The following RYR2 variants were observed in gnomAD, a reference collection of about 807,000 sequenced individuals.
RYR2 encodes the protein ryanodine receptor 2.
In RYR2, 227 loss-of-function variants were observed where a neutral mutation model predicts 601.1. That is an observed-to-expected ratio of 0.38 (90% CI 0.34 to 0.42). RYR2 has a LOEUF of 0.42. Ranked by LOEUF, RYR2 falls within the 10% of genes least tolerant of loss-of-function variation. The probability of loss-of-function intolerance (pLI) is 1.00; values close to 1 mark genes in which losing one functional copy is unlikely to be tolerated. For missense variants in RYR2, 4,646 were observed against 6,156.5 expected, an observed-to-expected ratio of 0.75 and a Z score of 8.21; for synonymous variants, 2,223 against 2,175.1, an observed-to-expected ratio of 1.02 and a Z score of -0.61.
chr1:237,128,669 A>G (rs753974154), intron 1 of RYR2, among the ~76,000 whole-genome samples: 1 of 152,114 alleles, frequency 6.6e-6, no homozygotes, highest in Non-Finnish European at 1.5e-5. Flanking sequence ...TAGTAAGGCC[A>G]CCGTGGCTGC....
chr1:237,816,460 C>A (rs564917793), intron 100 of RYR2, among the ~76,000 whole-genome samples: 1 of 152,050 alleles, frequency 6.6e-6, no homozygotes, highest in Non-Finnish European at 1.5e-5. Context: ...CCGAGGCGGG[C>A]GGATCACCTG....
At chr1:237,798,532 T>C (rs1262351638) in intron 97 of RYR2, among the ~76,000 whole-genome samples, 5 of 151,176 alleles carry the variant, frequency 3.3e-5, no homozygotes, top group Non-Finnish European at 7.4e-5. Context: ...AAAACGTTAA[T>C]TTTCTTATGT....
At chr1:237,193,055 G>GC (rs746117209) in intron 1 of RYR2, among the ~76,000 whole-genome samples, 17 of 150,790 alleles carry the variant, frequency 1.1e-4, no homozygotes, top group Non-Finnish European at 1.9e-4. Flanking sequence ...AGGCGTGGTG[G>GC]CTCATGCCTG....
At chr1:237,671,039 A>T (rs1684880152) in intron 58 of RYR2, among the ~76,000 whole-genome samples, 1 of 152,238 alleles carries the variant, frequency 6.6e-6, no homozygotes, top group Non-Finnish European at 1.5e-5. Flanking sequence ...ACTTCTGCAT[A>T]CAACTTGTAC....
At chr1:237,531,398 A>C (rs1001645945) in intron 25 of RYR2, among the ~76,000 whole-genome samples, 3 of 152,170 alleles carry the variant, frequency 2.0e-5, no homozygotes, top group African/African-American at 7.2e-5. Flanking sequence ...ATATTCAATA[A>C]ATGATAGCTG....
chr1:237,060,515 A>C (rs1662704220), intron 1 of RYR2, among the ~76,000 whole-genome samples: 2 of 152,238 alleles, frequency 1.3e-5, no homozygotes, highest in African/African-American at 4.8e-5. Flanking sequence ...TACCACTCAC[A>C]TTAATGCATT....
chr1:237,573,470 A>C (rs1420679031), intron 29 of RYR2, among the ~76,000 whole-genome samples: 1 of 150,544 alleles, frequency 6.6e-6, no homozygotes, highest in African/African-American at 2.4e-5. Flanking sequence ...AAAGACTGAT[A>C]TGGCCATCCA....
At chr1:237,417,177 G>A in intron 11 of RYR2, 54 bp downstream of exon 11, 1 of 1,379,694 alleles carries the variant, frequency 7.2e-7, no homozygotes, top group Non-Finnish European at 1.0e-6. Flanking sequence ...AAATAGCTCA[G>A]CGTTGTGCTT....
intron 1 of RYR2, among the ~76,000 whole-genome samples, chr1:237,160,014 C>G (rs1377128066): frequency 6.6e-6 from 1 of 152,132 alleles, no homozygotes; most frequent in Non-Finnish European, 1.5e-5. Context: ...AGGGACCATG[C>G]TTTACTAATG....
intron 84 of RYR2, among the ~76,000 whole-genome samples, chr1:237,766,805 G>T (rs145047339): frequency 6.6e-6 from 1 of 152,100 alleles, no homozygotes; most frequent in East Asian, 1.9e-4. Flanking sequence ...TCTGTTATCC[G>T]TGGGACAAAC....
At chr1:237,772,314 TA>T (rs1348614903) in intron 86 of RYR2, among the ~76,000 whole-genome samples, 1 of 152,210 alleles carries the variant, frequency 6.6e-6, no homozygotes, top group Non-Finnish European at 1.5e-5. Flanking sequence ...TTTATTTCTG[TA>T]AGTAGAGATT....
intron 1 of RYR2, among the ~76,000 whole-genome samples, chr1:237,073,866 T>A (rs112954094): frequency 0.15 from 18,422 of 122,994 alleles, 1,427 homozygotes; most frequent in African/African-American, 0.19. Flanking sequence ...GACTCCATCT[T>A]AAAAAAAAAA....
At chr1:237,554,017 T>C (rs776983293) in intron 27 of RYR2, among the ~76,000 whole-genome samples, 1 of 151,968 alleles carries the variant, frequency 6.6e-6, no homozygotes, top group Non-Finnish European at 1.5e-5. Flanking sequence ...TCTTGATTTA[T>C]TGAACTGGTA....
At chr1:237,707,575 C>T (rs894753388) in intron 68 of RYR2, among the ~76,000 whole-genome samples, 18 of 152,048 alleles carry the variant, frequency 1.2e-4, no homozygotes, top group Admixed American at 2.0e-4. Context: ...CAACTTTTAG[C>T]AATCCACTTG....
intron 1 of RYR2, among the ~76,000 whole-genome samples, chr1:237,094,435 C>T (rs111624173): frequency 0.01 from 1,528 of 152,070 alleles, 22 homozygotes; most frequent in African/African-American, 0.034. Context: ...TTTTTTGGGA[C>T]GGGCAGGGAG....
chr1:237,677,607 G>T (rs1423915301), intron 60 of RYR2, among the ~76,000 whole-genome samples: 1 of 152,110 alleles, frequency 6.6e-6, no homozygotes, highest in Non-Finnish European at 1.5e-5. Context: ...TTAACTTTCG[G>T]TCACACGAAG....
intron 14 of RYR2, among the ~76,000 whole-genome samples, chr1:237,451,451 G>A (rs954948026): frequency 1.3e-5 from 2 of 151,908 alleles, no homozygotes; most frequent in African/African-American, 2.4e-5. Context: ...GCATGAGCCT[G>A]TAATCTCAGC....
chr1:237,043,853 G>C (rs914313662), intron 1 of RYR2, among the ~76,000 whole-genome samples: 1 of 152,182 alleles, frequency 6.6e-6, no homozygotes, highest in Admixed American at 6.5e-5. Flanking sequence ...TAACTTTTAG[G>C]TGTGAAAATA....
At position 237,391,510 on chromosome 1, in the gene RYR2, A is replaced by G. The variant is rs138578726; in HGVS notation, c.773+3327A>G. 2.0e-3 allele frequency among the ~76,000 whole-genome samples: 300 copies of G among 152,268 alleles called. 1 individual carries two copies. Among genetic ancestry groups the G allele is most frequent in the African/African-American group, 7.1e-3 (293 of 41,556 alleles). On this transcript the variant is annotated intron_variant, in intron 10 of 104. Transcript: ENST00000366574. ...TACTTTGTTAGGAGACATAGTGGAA[A>G]CTATTAAGGAGATGGCCAGAAAAGA...
Sources: allele counts gnomAD v4.1 joint callset (sites outside exome capture counted in the v4.1 genomes callset), GRCh38; gene constraint gnomAD v4.1.1; transcripts MANE v1.5; gene names NCBI Gene and HGNC (gene_info 2026-07-23, HGNC 2026-07-21).